Variants in APOBEC3A observed in about 807,000 individuals in gnomAD.
APOBEC3A encodes the protein DNA dC->dU-editing enzyme APOBEC-3A.
In APOBEC3A, 13 loss-of-function variants were observed where a neutral mutation model predicts 23.0. The ratio of observed to expected loss-of-function variants is 0.57; its 90% CI spans 0.37 to 0.90. The LOEUF (loss-of-function observed/expected upper bound fraction) is 0.90. Ranked by LOEUF, APOBEC3A falls within the 40% of genes least tolerant of loss-of-function variation. The pLI is 0.01. For missense variants in APOBEC3A, 179 were observed against 264.9 expected, an observed-to-expected ratio of 0.68 and a Z score of 2.25; for synonymous variants, 74 against 101.3, an observed-to-expected ratio of 0.73 and a Z score of 1.62.
In APOBEC3A at chr22:38,962,907, G is replaced by A. The variant is rs1922978796; in HGVS notation, c.*398G>A. ...CGGGAGGCAGAGCTTGCGGTGAGCCGAGATTGCGCTACTGCACTCCAGCCT... is the reference window on the plus strand; with the variant it reads ...CGGGAGGCAGAGCTTGCGGTGAGCCAAGATTGCGCTACTGCACTCCAGCCT... On this transcript the variant is annotated 3_prime_UTR_variant, in exon 5 of 5. Transcript: ENST00000249116. The A allele has an allele frequency of 9.9e-6, 3 of 302,234 alleles. No individual in the cohort carries two copies. Among genetic ancestry groups the A allele is most frequent in the East Asian group, 1.0e-4 (1 of 9,566 alleles). The allele number at this position is 302,234 out of a possible 1,614,324, so 18.7% of individuals were successfully genotyped here. A position where few individuals can be genotyped will look rare whatever the true frequency, so the allele number is the denominator to read the frequency against.
chr22:38,958,999 C>G (rs919903251), intron 1 of APOBEC3A, among the ~76,000 whole-genome samples: 4 of 152,064 alleles, frequency 2.6e-5, no homozygotes, highest in Non-Finnish European at 4.4e-5. Context: ...TGCCCCATCT[C>G]AATTGCCTGA....
rs1448399754 is a variant in APOBEC3A, at chr22:38,962,751, G to A, written c.*242G>A. 4 of 977,132 alleles carry A rather than the reference G, an allele frequency of 4.1e-6. No individual in the cohort carries two copies. Among genetic ancestry groups the A allele is most frequent in the Non-Finnish European group, 4.3e-6 (3 of 691,306 alleles). The allele number at this position is 977,132 out of a possible 1,614,324, so 60.5% of individuals were successfully genotyped here. A position where few individuals can be genotyped will look rare whatever the true frequency, so the allele number is the denominator to read the frequency against. ...AGGCGGGTGGATCACGAGGTCAGGA[G>A]ATCGAGACCATCCTGGCTAACACGG... On this transcript the variant is annotated 3_prime_UTR_variant, in exon 5 of 5. Transcript: ENST00000249116.
At chr22:38,958,503 T>C (rs757887301) in intron 1 of APOBEC3A, among the ~76,000 whole-genome samples, 1 of 148,548 alleles carries the variant, frequency 6.7e-6, no homozygotes, top group Non-Finnish European at 1.5e-5. Flanking sequence ...TTCTTTCTTT[T>C]TCTTTCATTC....
chr22:38,962,866 G>A lies in APOBEC3A; in HGVS notation c.*357G>A, dbSNP rs1179998043. 5.2e-6 allele frequency: 2 copies of A among 382,910 alleles called. No individual in the cohort carries two copies. Among genetic ancestry groups the A allele is most frequent in the African/African-American group, 2.1e-5 (1 of 47,918 alleles). 23.7% of individuals were successfully genotyped at this position (382,910 alleles called of 1,614,324 possible). ...CCAGCTACTCTGGAGGCTGAGGCAG[G>A]AGAGTAGCGTGAACCCGGGAGGCAG... On this transcript the variant is annotated 3_prime_UTR_variant, in exon 5 of 5. Coordinates refer to ENST00000249116, the MANE Select transcript of APOBEC3A (RefSeq NM_145699.4).
At chr22:38,959,991 T>G (rs1216574230) in intron 2 of APOBEC3A, among the ~76,000 whole-genome samples, 1 of 152,204 alleles carries the variant, frequency 6.6e-6, no homozygotes, top group African/African-American at 2.4e-5. Context: ...AGGGCCTACC[T>G]GACCTCACAA....
intron 1 of APOBEC3A, among the ~76,000 whole-genome samples, chr22:38,958,921 A>T (rs1922736975): frequency 1.3e-5 from 2 of 150,420 alleles, no homozygotes; most frequent in Admixed American, 1.3e-4. Context: ...TTATGTCAGG[A>T]TGCATAGAGA....
intron 2 of APOBEC3A, among the ~76,000 whole-genome samples, chr22:38,960,183 G>A (rs1812246983): frequency 6.6e-6 from 1 of 152,214 alleles, no homozygotes; most frequent in Non-Finnish European, 1.5e-5. Context: ...AGGCCAGGCT[G>A]AGGGGCCCTG....
intron 2 of APOBEC3A, 72 bp downstream of exon 2, chr22:38,959,758 G>A (rs547636836): frequency 4.7e-5 from 73 of 1,554,584 alleles, no homozygotes; most frequent in East Asian, 4.6e-4. Context: ...AGAAGGTTCC[G>A]GATTGTACTT....
intron 1 of APOBEC3A, among the ~76,000 whole-genome samples, chr22:38,959,309 C>T (rs895516612): frequency 2.0e-5 from 3 of 152,160 alleles, no homozygotes; most frequent in African/African-American, 7.2e-5. Context: ...CCTGAGCACA[C>T]TGAGCTGACC....
At position 38,959,724 on chromosome 22, in the gene APOBEC3A, T is replaced by G. The variant is rs563178299; in HGVS notation, c.174+38T>G. ...GCCATCCGAATCCGGGCAGGGCCCT[T>G]CCAATCCAGGGACATTCATAGGTAG... On this transcript the variant is annotated intron_variant, in intron 2 of 4. Coordinates refer to ENST00000249116, the MANE Select transcript of APOBEC3A (RefSeq NM_145699.4). 1.9e-6 allele frequency: 3 copies of G among 1,601,580 alleles called. No homozygotes were observed. In the South Asian group the frequency reaches 3.3e-5, roughly 18 times the overall value.
Position 38,961,593 on chromosome 22 carries a change from C to T in APOBEC3A, c.381C>T (p.Ala127=). 1.3e-6 allele frequency: 2 copies of T among 1,534,724 alleles called. No individual in the cohort carries two copies. The highest frequency in any genetic ancestry group is 1.8e-4 in the Middle Eastern group (1 of 5,580). The change falls in exon 3 of 5, where the codon GCC becomes GCT. Residue 127 remains alanine (A), a synonymous_variant. Transcript: ENST00000249116. The part of the protein sequence containing the change: ...NTHVRLRIFA[A]RIYDYDPLYK... Reference sequence around the variant, plus strand: ...ACGTGAGACTGCGTATCTTCGCTGCCCGCATCTATGATTACGACCCCCTAT... The same window carrying T: ...ACGTGAGACTGCGTATCTTCGCTGCTCGCATCTATGATTACGACCCCCTAT...
In APOBEC3A at chr22:38,962,679, G is replaced by T; in HGVS notation, c.*170G>T. 6.7e-7 allele frequency: 1 copy of T among 1,489,102 alleles called. No individual in the cohort carries two copies. The highest frequency in any genetic ancestry group is 1.8e-4 in the Middle Eastern group (1 of 5,604). The allele number at this position is 1,489,102 out of a possible 1,614,324, so 92.2% of individuals were successfully genotyped here. On this transcript the variant is annotated 3_prime_UTR_variant, in exon 5 of 5. Transcript: ENST00000249116. ...GTAGATTTTTAAAAAATCAGAGTGGGCCGGGCGCGGTGGCTCACGCCTGTA... is the reference window on the plus strand; with the variant it reads ...GTAGATTTTTAAAAAATCAGAGTGGTCCGGGCGCGGTGGCTCACGCCTGTA...
Position 38,962,772 on chromosome 22 carries a change from C to T in APOBEC3A, c.*263C>T. The T allele has an allele frequency of 3.6e-6, 3 of 835,478 alleles. No homozygotes were observed. Among genetic ancestry groups the T allele is most frequent in the Non-Finnish European group, 5.2e-6 (3 of 575,400 alleles). 51.8% of individuals were successfully genotyped at this position (835,478 alleles called of 1,614,324 possible). A position where few individuals can be genotyped will look rare whatever the true frequency, so the allele number is the denominator to read the frequency against. ...AGGAGATCGAGACCATCCTGGCTAA[C>T]ACGGTGAAACCCTGTCTCTACTAAA... On this transcript the variant is annotated 3_prime_UTR_variant, in exon 5 of 5. Coordinates refer to ENST00000249116, the MANE Select transcript of APOBEC3A (RefSeq NM_145699.4).
In APOBEC3A at chr22:38,961,579, C is replaced by G. The variant is rs762851600; in HGVS notation, c.367C>G (p.Arg123Gly). The G allele has an allele frequency of 7.8e-6, 12 of 1,533,024 alleles. 2 individuals are homozygous for G. The highest frequency in any genetic ancestry group is 1.1e-5 in the Non-Finnish European group (12 of 1,118,490). 95.0% of individuals were successfully genotyped at this position (1,533,024 alleles called of 1,614,324 possible). ...FLQENTHVRL[R>G]IFAARIYDYD... is the part of the protein sequence containing the mutation. ...TCAGGAGAACACACACGTGAGACTG[C>G]GTATCTTCGCTGCCCGCATCTATGA... Residue 123 changes from arginine to glycine, a missense_variant, in exon 3 of 5, where the codon CGT becomes GGT. Arg to Gly is a moderately radical substitution (Grantham distance 125). Coordinates refer to ENST00000249116, the MANE Select transcript of APOBEC3A (RefSeq NM_145699.4).
chr22:38,957,653 C>T lies in APOBEC3A; in HGVS notation c.-39C>T, dbSNP rs771865705. The T allele has an allele frequency of 7.5e-6, 12 of 1,608,554 alleles. No homozygotes were observed. The highest frequency in any genetic ancestry group is 2.7e-5 in the African/African-American group (2 of 74,826). On this transcript the variant is annotated 5_prime_UTR_variant, in exon 1 of 5. Transcript: ENST00000249116. ...CCACGCCTTGAGCAAGTCGCAAGAG[C>T]GGGAGGACACAGACCAGGAACCGAG...
In APOBEC3A at chr22:38,957,738, G is replaced by T; in HGVS notation, c.29+18G>T. On this transcript the variant is annotated intron_variant, in intron 1 of 4. Transcript: ENST00000249116. ...GGGCCCAGGTATGGGAAGCCCCTCC[G>T]AGCACCTCTGCGCCTCAGCCTCCTC... 6.2e-7 allele frequency: 1 copy of T among 1,610,046 alleles called. No individual in the cohort carries two copies. The highest frequency in any genetic ancestry group is 1.7e-5 in the Admixed American group (1 of 59,612).
chr22:38,962,211 C>G lies in APOBEC3A; in HGVS notation c.583C>G (p.Gln195Glu). The G allele has an allele frequency of 1.9e-6, 3 of 1,613,656 alleles. No homozygotes were observed. The highest frequency in any genetic ancestry group is 2.5e-6 in the Non-Finnish European group (3 of 1,179,980). Residue 195 changes from glutamine to glutamate, a missense_variant and splice_region_variant, in exon 4 of 5, where the codon CAG becomes GAG. Physicochemically the swap from Gln to Glu is conservative, Grantham distance 29. Around this residue, in one of 5 missense-constraint regions of APOBEC3A, gnomAD observed 37 missense variants for 43.1 expected, o/e 0.86. Coordinates refer to ENST00000249116, the MANE Select transcript of APOBEC3A (RefSeq NM_145699.4). ...GAGTGGGAGGCTGCGGGCCATTCTC[C>G]AGGTGAGGGCTTCCTCCCTCTGCCC... ...ALSGRLRAIL[Q>E]NQGN
chr22:38,962,344 C>T (rs1483002589), intron 4 of APOBEC3A, 131 bp downstream of exon 4: 2 of 1,559,382 alleles, frequency 1.3e-6, no homozygotes, highest in Non-Finnish European at 1.7e-6. Context: ...CCAGCTCCGT[C>T]CCTCCCTTTC....
At chr22:38,960,321 G>A (rs533160280) in intron 2 of APOBEC3A, among the ~76,000 whole-genome samples, 24 of 152,170 alleles carry the variant, frequency 1.6e-4, no homozygotes, top group African/African-American at 4.6e-4. Context: ...TGTGGGCCTC[G>A]CTGGATCCAC....
Sources: gnomAD v4.1 joint callset for allele counts (sites outside exome capture counted in the v4.1 genomes callset) on GRCh38, gnomAD v4.1.1 for gene constraint, gnomAD v4.1.1 regional missense constraint, MANE v1.5 for transcripts, NCBI Gene and HGNC (gene_info 2026-07-23, HGNC 2026-07-21) for gene names.